PALM2AKAP2: variants seen among roughly 807,000 people sequenced by gnomAD.
PALM2AKAP2 encodes PALM2 and AKAP2 fusion, also known as PALM2-AKAP2 fusion protein.
A neutral mutation model predicts 71.5 loss-of-function variants in PALM2AKAP2; 37 were observed. The ratio of observed to expected loss-of-function variants is 0.52; its 90% confidence interval spans 0.40 to 0.68. The LOEUF (loss-of-function observed/expected upper bound fraction) is 0.68. Among genes scored for constraint, PALM2AKAP2 ranks in the 30% least tolerant of loss-of-function variants. PALM2AKAP2 has a pLI of 0.00. For missense variants in PALM2AKAP2, 1,224 were observed against 1,191.8 expected, an observed-to-expected ratio of 1.03 and a Z score of -0.40; for synonymous variants, 468 against 478.8, an observed-to-expected ratio of 0.98 and a Z score of 0.29.
At chr9:110,091,272 G>T (rs982958313) in intron 1 of PALM2AKAP2, among the ~76,000 whole-genome samples, 1 of 151,994 alleles carries the variant, frequency 6.6e-6, no homozygotes, top group Non-Finnish European at 1.5e-5. Context: ...ATTGTCTACG[G>T]TCAATAAAGA....
intron 1 of PALM2AKAP2, among the ~76,000 whole-genome samples, chr9:109,762,046 G>A (rs1246170391): frequency 2.0e-5 from 3 of 152,182 alleles, no homozygotes; most frequent in East Asian, 3.9e-4. Flanking sequence ...AACAGATGCT[G>A]GAGAGGCTGT....
chr9:109,784,919 C>A (rs371208550), intron 1 of PALM2AKAP2, among the ~76,000 whole-genome samples: 3 of 152,194 alleles, frequency 2.0e-5, no homozygotes, highest in African/African-American at 7.2e-5. Context: ...GAGAGTCTTT[C>A]AAGCCTGGAT....
intron 1 of PALM2AKAP2, among the ~76,000 whole-genome samples, chr9:109,692,204 A>G (rs1827908900): frequency 6.6e-6 from 1 of 151,566 alleles, no homozygotes; most frequent in Admixed American, 6.6e-5. Flanking sequence ...TAGTTTTAAA[A>G]TTTTATTGTA....
chr9:109,855,888 C>G (rs185374303), intron 1 of PALM2AKAP2, among the ~76,000 whole-genome samples: 11 of 152,278 alleles, frequency 7.2e-5, no homozygotes, highest in Admixed American at 7.2e-4. Flanking sequence ...AGAAAATTAT[C>G]ATTTTTTTAA....
rs556056364 is a variant in PALM2AKAP2, at chr9:109,956,247, T to G, written c.496+24219T>G. Among the ~76,000 whole-genome samples, 3 of 152,228 alleles carry G rather than the reference T, an allele frequency of 2.0e-5. No homozygotes were observed. In the South Asian group the frequency reaches 6.2e-4, roughly 32 times the overall value. ...CTCAAACTTCTGACCTCAGGTGATC[T>G]GACTGCCTCAGTCTCCCAAAGCGCT... On this transcript the variant is annotated intron_variant, in intron 6 of 9. Coordinates refer to the PALM2AKAP2 transcript ENST00000302798.
chr9:110,009,122 A>G (rs55891603), intron 6 of PALM2AKAP2, among the ~76,000 whole-genome samples: 3,212 of 152,214 alleles, frequency 0.021, 97 homozygotes, highest in African/African-American at 0.067. Flanking sequence ...TCTCTTGCAC[A>G]TTCGGGTCCA....
chr9:109,841,215 A>G (rs1828656330), intron 1 of PALM2AKAP2, among the ~76,000 whole-genome samples: 1 of 151,796 alleles, frequency 6.6e-6, no homozygotes, highest in Admixed American at 6.6e-5. Context: ...TGTCCTTTTT[A>G]GGGACATGGA....
At chr9:109,737,268 C>A (rs955538860) in intron 1 of PALM2AKAP2, among the ~76,000 whole-genome samples, 1 of 152,172 alleles carries the variant, frequency 6.6e-6, no homozygotes, top group Non-Finnish European at 1.5e-5. Flanking sequence ...ACTTACAGGT[C>A]CAGCAAACTG....
At chr9:109,747,043 A>G (rs1241011201) in intron 1 of PALM2AKAP2, among the ~76,000 whole-genome samples, 1 of 152,226 alleles carries the variant, frequency 6.6e-6, no homozygotes, top group African/African-American at 2.4e-5. Context: ...CACCATAAAC[A>G]CAAGCTACTG....
chr9:109,869,368 G>A (rs185428852), intron 2 of PALM2AKAP2, among the ~76,000 whole-genome samples: 483 of 152,000 alleles, frequency 3.2e-3, no homozygotes, highest in South Asian at 7.9e-3. Flanking sequence ...TCGCTCTGTC[G>A]CTCAGGCTGG....
chr9:109,801,315 G>A (rs1434851429), intron 1 of PALM2AKAP2, among the ~76,000 whole-genome samples: 1 of 152,172 alleles, frequency 6.6e-6, no homozygotes, highest in African/African-American at 2.4e-5. Context: ...GGAGGATGAG[G>A]TAGAAATTGG....
chr9:109,841,260 G>A lies in PALM2AKAP2; in HGVS notation c.46-26231G>A, dbSNP rs534838270. Reference sequence around the variant, plus strand: ...AAACCATCATTCTCAGCAAACTATCGCAGGGACAAAAAACCAAACACCGCA... The same window carrying A: ...AAACCATCATTCTCAGCAAACTATCACAGGGACAAAAAACCAAACACCGCA... On this transcript the variant is annotated intron_variant, in intron 1 of 9. Coordinates refer to the PALM2AKAP2 transcript ENST00000302798. Among the ~76,000 whole-genome samples the A allele has an allele frequency of 2.6e-4, 39 of 150,586 alleles. No individual in the cohort carries two copies. In the South Asian group the frequency reaches 3.4e-3, roughly 13 times the overall value.
intron 1 of PALM2AKAP2, among the ~76,000 whole-genome samples, chr9:109,753,400 A>C (rs930905738): frequency 3.3e-5 from 5 of 152,140 alleles, no homozygotes; most frequent in Admixed American, 2.0e-4. Context: ...TCAGTTTGCC[A>C]TCTTCTTTTT....
At chr9:109,843,056 C>T (rs897941023) in intron 1 of PALM2AKAP2, among the ~76,000 whole-genome samples, 1 of 150,394 alleles carries the variant, frequency 6.6e-6, no homozygotes, top group African/African-American at 2.5e-5. Flanking sequence ...AGGAGACTCG[C>T]TTGAACCCGG....
chr9:110,156,142 T>G (rs1836449078), intron 2 of PALM2AKAP2, among the ~76,000 whole-genome samples, 177 bp from the exon 9 acceptor site: 2 of 152,236 alleles, frequency 1.3e-5, no homozygotes, highest in African/African-American at 2.4e-5. Context: ...GATGGGTTTG[T>G]GCATTAACCT....
chr9:110,060,332 AC>A (rs779843302), intron 1 of PALM2AKAP2, among the ~76,000 whole-genome samples: 2 of 151,994 alleles, frequency 1.3e-5, no homozygotes, highest in South Asian at 4.2e-4. Flanking sequence ...CGAACTCCTG[AC>A]CTCAAGTGAT....
intron 1 of PALM2AKAP2, among the ~76,000 whole-genome samples, chr9:109,803,792 G>A (rs1827500291): frequency 6.6e-6 from 1 of 152,186 alleles, no homozygotes; most frequent in South Asian, 2.1e-4. Context: ...AGAGACAGTG[G>A]CTTGAAATTC....
intron 6 of PALM2AKAP2, among the ~76,000 whole-genome samples, chr9:109,983,457 T>G (rs1832314959): frequency 6.6e-6 from 1 of 152,114 alleles, no homozygotes; most frequent in Non-Finnish European, 1.5e-5. Flanking sequence ...TTCCTCTCTC[T>G]CTCCCTCTTC....
At chr9:109,898,839 T>G (rs1830264817) in intron 3 of PALM2AKAP2, among the ~76,000 whole-genome samples, 1 of 152,190 alleles carries the variant, frequency 6.6e-6, no homozygotes, top group South Asian at 2.1e-4. Flanking sequence ...AGGGGCTAAG[T>G]GCAAAGGAGA....
Sources: allele counts gnomAD v4.1 joint callset (sites outside exome capture counted in the v4.1 genomes callset), GRCh38; gene constraint gnomAD v4.1.1; transcripts MANE v1.5; gene names NCBI Gene and HGNC (gene_info 2026-07-23, HGNC 2026-07-21).